Variants in TDRD10 observed in about 807,000 individuals in gnomAD.
TDRD10 encodes the protein tudor domain containing 10.
A neutral mutation model predicts 48.0 loss-of-function variants in TDRD10; 40 were observed. The ratio of observed to expected loss-of-function variants is 0.83; its 90% CI spans 0.65 to 1.09. The LOEUF (loss-of-function observed/expected upper bound fraction) is 1.09. TDRD10 is among the 50% of genes least tolerant of loss of function. The probability of loss-of-function intolerance (pLI) is 0.00; values close to 1 mark genes in which losing one functional copy is unlikely to be tolerated. For synonymous variants in TDRD10, 162 were observed against 170.4 expected (o/e 0.95, Z 0.38); for missense variants, 378 against 434.7 (o/e 0.87, Z 1.16).
chr1:154,511,725 G>A (rs1693486125), intron 4 of TDRD10, among the ~76,000 whole-genome samples: 1 of 152,018 alleles, frequency 6.6e-6, no homozygotes, highest in South Asian at 2.1e-4. Flanking sequence ...GTGCGTGCCT[G>A]TAGTCCCAGC....
chr1:154,517,420 CTTTTT>C (rs991043116), intron 4 of TDRD10, among the ~76,000 whole-genome samples: 2 of 138,494 alleles, frequency 1.4e-5, no homozygotes, highest in South Asian at 2.3e-4. Flanking sequence ...GATATTAGAC[CTTTTT>C]TTTTTTTTTT....
intron 4 of TDRD10, among the ~76,000 whole-genome samples, chr1:154,518,340 T>C (rs770043949): frequency 6.6e-6 from 1 of 152,260 alleles, no homozygotes; most frequent in African/African-American, 2.4e-5. Context: ...TAAAAAATCC[T>C]AATAAGTTAC....
At chr1:154,521,226 G>C in intron 5 of TDRD10, 97 bp from the exon 6 acceptor site, 1 of 1,216,318 alleles carries the variant, frequency 8.2e-7, no homozygotes, top group Admixed American at 2.0e-5. Flanking sequence ...CAGAGAGAAA[G>C]GACACTGGCC....
intron 11 of TDRD10, among the ~76,000 whole-genome samples, chr1:154,546,446 A>G (rs1695582782): frequency 6.8e-6 from 1 of 146,752 alleles, no homozygotes; most frequent in South Asian, 2.1e-4. Context: ...ATCACGTAAT[A>G]TATATTATAT....
At chr1:154,509,709 A>G (rs1570896290) in intron 4 of TDRD10, 1 of 471,122 alleles carries the variant, frequency 2.1e-6, no homozygotes, top group Non-Finnish European at 2.8e-6. Context: ...AAATGAAATC[A>G]TATTCAATCA....
chr1:154,505,428 A>G (rs894475903), intron 1 of TDRD10, among the ~76,000 whole-genome samples: 5 of 152,216 alleles, frequency 3.3e-5, no homozygotes, highest in African/African-American at 1.2e-4. Context: ...GATTTTGCCC[A>G]TAAACCTCTC....
chr1:154,529,546 ATTTT>A (rs56210038), intron 6 of TDRD10, among the ~76,000 whole-genome samples: 10 of 130,644 alleles, frequency 7.7e-5, no homozygotes, highest in African/African-American at 1.1e-4. Flanking sequence ...TTCTGTGTTC[ATTTT>A]TTTTTTTTTT....
chr1:154,524,872 C>A (rs918435843), intron 6 of TDRD10, among the ~76,000 whole-genome samples: 11 of 152,184 alleles, frequency 7.2e-5, no homozygotes, highest in Admixed American at 1.3e-4. Flanking sequence ...TCCCACACCA[C>A]GGACAGCTTA....
At chr1:154,528,738 C>T (rs923311480) in intron 6 of TDRD10, among the ~76,000 whole-genome samples, 90 of 151,912 alleles carry the variant, frequency 5.9e-4, no homozygotes, top group African/African-American at 2.0e-3. Context: ...CTCACTTGAA[C>T]CCGGGAGGCA....
intron 11 of TDRD10, 146 bp downstream of exon 11, chr1:154,545,095 C>A: frequency 9.1e-7 from 1 of 1,103,056 alleles, no homozygotes; most frequent in Non-Finnish European, 1.3e-6. Flanking sequence ...CAGCATATGA[C>A]CCCTGCAAAG....
In TDRD10 at chr1:154,521,366, G is replaced by C. The variant is rs138653932; in HGVS notation, c.256G>C (p.Ala86Pro). ...GGGCTCCATGCAGAAAGTGACACTT[G>C]CAATCCAGGAGCTGAATGGTAAACT... ...DLGSMQKVTLAIQELNGKLFH... is the reference protein window; with the variant it reads ...DLGSMQKVTLPIQELNGKLFH... Residue 86 changes from alanine (A) to proline (P), a missense_variant, in exon 6 of 13, where the codon GCA becomes CCA. Transcript: ENST00000368482. 6 of 1,614,034 alleles carry C rather than the reference G, an allele frequency of 3.7e-6. No individual in the cohort carries two copies. Among genetic ancestry groups the C allele is most frequent in the Non-Finnish European group, 4.2e-6 (5 of 1,180,040 alleles).
chr1:154,539,046 C>T (rs1056205954), intron 6 of TDRD10, among the ~76,000 whole-genome samples: 4 of 152,166 alleles, frequency 2.6e-5, no homozygotes, highest in African/African-American at 9.7e-5. Flanking sequence ...CAGATGTGAA[C>T]ACCAAGTAAC....
intron 3 of TDRD10, 75 bp from the exon 4 acceptor site, chr1:154,508,348 C>A: frequency 9.8e-7 from 1 of 1,019,324 alleles, no homozygotes; most frequent in Non-Finnish European, 1.6e-6. Context: ...GACCCTGTCT[C>A]TATCCTGTAT....
Position 154,515,829 on chromosome 1 carries a change from C to T in TDRD10, c.142-4475C>T, listed in dbSNP as rs901351482. The stretch of plus-strand genomic sequence containing the variant: ...TCCTGGGTTCAAGCGATTCTCCTGC[C>T]TCAGCCTCCTAAGTAGGTGGGATTA... On this transcript the variant is annotated intron_variant, in intron 4 of 12. Coordinates refer to ENST00000368482, the MANE Select transcript of TDRD10 (RefSeq NM_182499.4). Among the ~76,000 whole-genome samples, 4 of 152,312 alleles carry T rather than the reference C, an allele frequency of 2.6e-5. No individual in the cohort carries two copies. The East Asian group carries it at 7.7e-4, about 29-fold the overall frequency.
intron 4 of TDRD10, chr1:154,509,659 G>T (rs988329395): frequency 4.5e-6 from 1 of 221,208 alleles, no homozygotes; most frequent in Non-Finnish European, 7.6e-6. Context: ...TCTGACAGAA[G>T]AAAATGTTAT....
At chr1:154,536,141 G>T (rs987208435) in intron 6 of TDRD10, among the ~76,000 whole-genome samples, 2 of 152,224 alleles carry the variant, frequency 1.3e-5, no homozygotes, top group African/African-American at 4.8e-5. Flanking sequence ...ACTTTGGGAG[G>T]CCGAGGTGGG....
rs1201604103 is a variant in TDRD10, at chr1:154,502,531, G to C, written c.-526G>C. ...GGGCGGCGGGGTGAGCGCCATGGCA[G>C]AGGCGGGTCGGGCTGCGAGCTCTGG... On this transcript the variant is annotated 5_prime_UTR_variant, in exon 1 of 13. Coordinates refer to ENST00000368482, the MANE Select transcript of TDRD10 (RefSeq NM_182499.4). 6.6e-6 allele frequency: 1 copy of C among 152,250 alleles called. No homozygotes were observed. Among genetic ancestry groups the C allele is most frequent in the Non-Finnish European group, 1.5e-5 (1 of 68,090 alleles). 9.4% of individuals were successfully genotyped at this position (152,250 alleles called of 1,614,324 possible). A position where few individuals can be genotyped will look rare whatever the true frequency, so the allele number is the denominator to read the frequency against.
intron 10 of TDRD10, 108 bp downstream of exon 10, chr1:154,544,625 C>G: frequency 3.4e-6 from 5 of 1,486,876 alleles, no homozygotes; most frequent in Non-Finnish European, 4.5e-6. Context: ...GTGGCTTCTT[C>G]TCTCAAAATC....
At chr1:154,545,634 G>A (rs1298080890) in intron 11 of TDRD10, among the ~76,000 whole-genome samples, 2 of 152,028 alleles carry the variant, frequency 1.3e-5, no homozygotes, top group Non-Finnish European at 2.9e-5. Context: ...GAGTGCAGTG[G>A]CATAATCATA....
Sources: allele counts gnomAD v4.1 joint callset (sites outside exome capture counted in the v4.1 genomes callset), GRCh38; gene constraint gnomAD v4.1.1; transcripts MANE v1.5; gene names NCBI Gene and HGNC (gene_info 2026-07-23, HGNC 2026-07-21).